The following COLGALT2 variants were observed in gnomAD, a reference collection of about 807,000 sequenced individuals.
COLGALT2 encodes the protein procollagen galactosyltransferase 2.
A neutral mutation model predicts 73.4 loss-of-function variants in COLGALT2; 49 were observed. The observed-to-expected ratio is 0.67, with a 90% CI of 0.53 to 0.85. The LOEUF (loss-of-function observed/expected upper bound fraction) is 0.85. COLGALT2 is among the 40% of genes least tolerant of loss of function. COLGALT2 has a pLI of 0.00. For synonymous variants in COLGALT2, 295 were observed against 307.6 expected, an observed-to-expected ratio of 0.96 and a Z score of 0.43; for missense variants, 722 against 790.2, an observed-to-expected ratio of 0.91 and a Z score of 1.03.
At chr1:183,973,856 T>G in intron 3 of COLGALT2, 106 bp from the exon 4 acceptor site, 1 of 1,024,700 alleles carries the variant, frequency 9.8e-7, no homozygotes, top group Non-Finnish European at 1.4e-6. Context: ...TCATGACATA[T>G]GGAACCAGCT....
At chr1:184,021,715 A>G (rs1467093591) in intron 1 of COLGALT2, among the ~76,000 whole-genome samples, 1 of 152,182 alleles carries the variant, frequency 6.6e-6, no homozygotes, top group Non-Finnish European at 1.5e-5. Context: ...GAATAATAAA[A>G]TGACTACTGC....
chr1:184,009,038 C>A (rs1672165637), intron 1 of COLGALT2, among the ~76,000 whole-genome samples: 1 of 152,102 alleles, frequency 6.6e-6, no homozygotes, highest in Non-Finnish European at 1.5e-5. Context: ...ACATGAAAGT[C>A]TTCTGTGTAT....
chr1:184,031,375 T>G (rs149116975), intron 1 of COLGALT2, among the ~76,000 whole-genome samples: 1 of 152,170 alleles, frequency 6.6e-6, no homozygotes. Context: ...TCTGTCCCTA[T>G]GAAATATACC....
intron 6 of COLGALT2, among the ~76,000 whole-genome samples, chr1:183,957,778 GTTTTTTTTT>G (rs367921171): frequency 8.4e-6 from 1 of 118,920 alleles, no homozygotes; most frequent in African/African-American, 3.2e-5. Flanking sequence ...TTTTGTGGTG[GTTTTTTTTT>G]TTTTTTTTTT....
intron 1 of COLGALT2, among the ~76,000 whole-genome samples, chr1:183,988,358 G>A (rs934295239): frequency 6.6e-6 from 1 of 152,156 alleles, no homozygotes. Flanking sequence ...ACTTTATTGA[G>A]ATATATTTCA....
chr1:184,024,178 G>A (rs561358302), intron 1 of COLGALT2, among the ~76,000 whole-genome samples: 32 of 152,204 alleles, frequency 2.1e-4, no homozygotes, highest in African/African-American at 7.2e-4. Context: ...ATTAGCCTAT[G>A]CAACCCTCAT....
chr1:183,946,782 A>G (rs1039945315), intron 8 of COLGALT2, among the ~76,000 whole-genome samples: 3 of 152,212 alleles, frequency 2.0e-5, no homozygotes, highest in African/African-American at 7.2e-5. Context: ...CTGTAATCCC[A>G]CGACTTTGGG....
intron 1 of COLGALT2, among the ~76,000 whole-genome samples, chr1:183,980,809 T>A (rs896506641): frequency 6.6e-6 from 1 of 151,960 alleles, no homozygotes. Context: ...GCTGCAAAAA[T>A]CTTAAATGAA....
Position 184,024,617 on chromosome 1 carries a change from CTG to C in COLGALT2, c.263+12476_263+12477del, listed in dbSNP as rs1408572368. On this transcript the variant is annotated intron_variant, in intron 1 of 11. Coordinates refer to ENST00000361927, the MANE Select transcript of COLGALT2 (RefSeq NM_015101.4). The stretch of plus-strand genomic sequence containing the variant: ...CTGCCTGCCTTGGCCTCCCAAAGTT[CTG>C]GGTTTACAGGCGTGAGCCACCACAC... 2.6e-4 allele frequency among the ~76,000 whole-genome samples: 38 copies of C among 147,426 alleles called. 1 individual carries two copies. In the Admixed American group the frequency reaches 2.6e-3, roughly 10 times the overall value.
chr1:183,960,884 T>G (rs1292847482), intron 6 of COLGALT2, among the ~76,000 whole-genome samples: 1 of 152,238 alleles, frequency 6.6e-6, no homozygotes, highest in African/African-American at 2.4e-5. Context: ...CCCGTTCCTA[T>G]TCTTCAATCA....
At chr1:183,986,739 A>G (rs1176273396) in intron 1 of COLGALT2, among the ~76,000 whole-genome samples, 1 of 152,194 alleles carries the variant, frequency 6.6e-6, no homozygotes, top group Non-Finnish European at 1.5e-5. Context: ...ACCCATTTTT[A>G]GCCTTATGAT....
At chr1:183,978,132 GAATAAATAATAT>G (rs1217484427) in intron 2 of COLGALT2, among the ~76,000 whole-genome samples, 2 of 152,042 alleles carry the variant, frequency 1.3e-5, no homozygotes, top group African/African-American at 4.8e-5. Flanking sequence ...TTTAAAATAT[GAATAAATAATAT>G]CAATATTTAA....
chr1:184,005,648 G>A (rs1236852731), intron 1 of COLGALT2, among the ~76,000 whole-genome samples: 1 of 152,144 alleles, frequency 6.6e-6, no homozygotes, highest in Non-Finnish European at 1.5e-5. Context: ...TCCACACTCT[G>A]CCTCTCCGTC....
At chr1:183,973,494 G>C (rs1558320794) in intron 4 of COLGALT2, 122 bp downstream of exon 4, 2 of 1,275,680 alleles carry the variant, frequency 1.6e-6, no homozygotes, top group Non-Finnish European at 2.2e-6. Flanking sequence ...TGCTTGCTCT[G>C]GGAACACAAT....
At chr1:184,025,158 C>T (rs1264380046) in intron 1 of COLGALT2, among the ~76,000 whole-genome samples, 2 of 152,212 alleles carry the variant, frequency 1.3e-5, no homozygotes, top group Admixed American at 1.3e-4. Flanking sequence ...TCTTTTCTGA[C>T]TGAGAGACAG....
chr1:183,989,526 G>A (rs1311207092), intron 1 of COLGALT2, among the ~76,000 whole-genome samples: 3 of 152,168 alleles, frequency 2.0e-5, no homozygotes, highest in Non-Finnish European at 4.4e-5. Context: ...GTGACAATGT[G>A]GGCAAAGTGG....
chr1:184,003,127 G>T (rs1263348254), intron 1 of COLGALT2, among the ~76,000 whole-genome samples: 1 of 152,168 alleles, frequency 6.6e-6, no homozygotes, highest in East Asian at 1.9e-4. Flanking sequence ...CAGGGGGAAA[G>T]ATCATATATT....
At chr1:184,011,998 G>A (rs1282365127) in intron 1 of COLGALT2, among the ~76,000 whole-genome samples, 2 of 152,146 alleles carry the variant, frequency 1.3e-5, no homozygotes, top group African/African-American at 4.8e-5. Flanking sequence ...GGGCAGAAAA[G>A]GAATGATTTT....
In COLGALT2 at chr1:183,944,281, C is replaced by T. The variant is rs777342761; in HGVS notation, c.1312G>A (p.Asp438Asn). 1.9e-5 allele frequency: 30 copies of T among 1,613,850 alleles called. No individual in the cohort carries two copies. Among genetic ancestry groups the T allele is most frequent in the South Asian group, 6.6e-5 (6 of 91,022 alleles). ...TTAAACTGATGCTCAAAACGCACAT[C>T]GTCTTCAATTACAAGAGTCTTCTCT... The part of the protein sequence containing the change: ...ELEKTLVIED[D>N]VRFEHQFKKK... Residue 438 changes from aspartate to asparagine, a missense_variant, in exon 10 of 12, where the codon GAT (aspartate) becomes AAT (asparagine). Physicochemically the swap from Asp to Asn is conservative, Grantham distance 23 (BLOSUM62 1). Coordinates refer to ENST00000361927, the MANE Select transcript of COLGALT2 (RefSeq NM_015101.4).
Sources: allele counts gnomAD v4.1 joint callset (sites outside exome capture counted in the v4.1 genomes callset), GRCh38; gene constraint gnomAD v4.1.1; transcripts MANE v1.5; gene names NCBI Gene and HGNC (gene_info 2026-07-23, HGNC 2026-07-21).